RASA1: variants seen among roughly 807,000 people sequenced by gnomAD.
The protein encoded by RASA1 is RAS p21 protein activator 1.
RASA1 carries 25 observed loss-of-function variants against 132.2 expected under a neutral mutation model. The observed-to-expected ratio is 0.19, with a 90% CI of 0.14 to 0.26. The LOEUF (loss-of-function observed/expected upper bound fraction) is 0.26, where lower values mean the gene tolerates loss of function less well. Ranked by LOEUF, RASA1 falls within the 10% of genes least tolerant of loss-of-function variation. The pLI is 1.00. For missense variants in RASA1, 964 were observed against 1,299.2 expected, an observed-to-expected ratio of 0.74 and a Z score of 3.97; for synonymous variants, 477 against 449.9, an observed-to-expected ratio of 1.06 and a Z score of -0.76.
In RASA1 at chr5:87,338,077, C is replaced by G. The variant is rs1439069181; in HGVS notation, c.1003C>G (p.Leu335Val). The G allele has an allele frequency of 6.2e-7, 1 of 1,611,984 alleles. No homozygotes were observed. Among genetic ancestry groups the G allele is most frequent in the African/African-American group, 1.3e-5 (1 of 74,806 alleles). Residue 335 changes from leucine (L) to valine (V), a missense_variant, in exon 5 of 25, where the codon CTA becomes GTA. This residue lies in a region of RASA1 where 154 missense variants were observed against 286.5 expected (regional missense o/e 0.54). Coordinates refer to ENST00000274376, the MANE Select transcript of RASA1 (RefSeq NM_002890.3). ...TDEQGLIVEDLVEEVGREEDP... is the reference protein window; with the variant it reads ...TDEQGLIVEDVVEEVGREEDP... ...TGAACAAGGCCTTATTGTTGAAGAC[C>G]TAGTAGAAGAGGTGGTAAGTTTTGT...
chr5:87,351,917 T>A (rs1161812633), intron 8 of RASA1, among the ~76,000 whole-genome samples: 1 of 151,816 alleles, frequency 6.6e-6, no homozygotes, highest in African/African-American at 2.4e-5. Context: ...TATTTTACAG[T>A]TACTGAGCCC....
chr5:87,338,072 A>G lies in RASA1; in HGVS notation c.998A>G (p.Glu333Gly). The G allele has an allele frequency of 3.7e-6, 6 of 1,612,324 alleles. No homozygotes were observed. Among genetic ancestry groups the G allele is most frequent in the Non-Finnish European group, 5.1e-6 (6 of 1,179,024 alleles). ...ACAGATGAACAAGGCCTTATTGTTGAAGACCTAGTAGAAGAGGTGGTAAGT... is the reference window on the plus strand; with the variant it reads ...ACAGATGAACAAGGCCTTATTGTTGGAGACCTAGTAGAAGAGGTGGTAAGT... The part of the protein sequence containing the change: ...LRTDEQGLIV[E>G]DLVEEVGREE... Residue 333 changes from glutamate to glycine, a missense_variant, in exon 5 of 25, where the codon GAA becomes GGA. Physicochemically the swap from Glu to Gly is moderately conservative, Grantham distance 98. Coordinates refer to ENST00000274376, the MANE Select transcript of RASA1 (RefSeq NM_002890.3).
chr5:87,337,831 G>A, intron 4 of RASA1, 143 bp from the exon 5 acceptor site: 2 of 817,574 alleles, frequency 2.4e-6, no homozygotes, highest in Middle Eastern at 4.0e-4. Context: ...GCCAGAAATA[G>A]GATACAAATT....
intron 6 of RASA1, among the ~76,000 whole-genome samples, chr5:87,342,262 C>T (rs567712741): frequency 2.6e-5 from 4 of 151,484 alleles, no homozygotes; most frequent in African/African-American, 9.7e-5. Context: ...TGGATTCAAA[C>T]GATTCTCTGC....
chr5:87,279,923 C>T (rs1754238266), intron 1 of RASA1, among the ~76,000 whole-genome samples: 1 of 152,200 alleles, frequency 6.6e-6, no homozygotes, highest in African/African-American at 2.4e-5. Flanking sequence ...GCCTCAAAGC[C>T]AGGAAAGCTG....
At chr5:87,321,966 C>A (rs776158311) in intron 1 of RASA1, among the ~76,000 whole-genome samples, 1 of 152,026 alleles carries the variant, frequency 6.6e-6, no homozygotes, top group Non-Finnish European at 1.5e-5. Context: ...CCTAACACAC[C>A]AAACATTGTA....
intron 4 of RASA1, 107 bp downstream of exon 4, chr5:87,333,444 GC>G: frequency 6.6e-7 from 1 of 1,515,982 alleles, no homozygotes; most frequent in African/African-American, 1.4e-5. Context: ...ATGGCATACA[GC>G]AAGGTGAAAG....
intron 1 of RASA1, among the ~76,000 whole-genome samples, chr5:87,314,018 A>T (rs1415566365): frequency 4.6e-5 from 7 of 151,056 alleles, no homozygotes; most frequent in Admixed American, 1.3e-4. Flanking sequence ...AAATACAAAA[A>T]ATGAGCCAGG....
Position 87,291,493 on chromosome 5 carries a change from G to A in RASA1, c.539+22503G>A, listed in dbSNP as rs114594204. ...CTGCAGTGAGCTATGATTGTGCCACGGCACTCCTACCTGGGCAACAGGGTG... is the reference window on the plus strand; with the variant it reads ...CTGCAGTGAGCTATGATTGTGCCACAGCACTCCTACCTGGGCAACAGGGTG... On this transcript the variant is annotated intron_variant, in intron 1 of 24. Coordinates refer to ENST00000274376, the MANE Select transcript of RASA1 (RefSeq NM_002890.3). 8.9e-3 allele frequency among the ~76,000 whole-genome samples: 1,355 copies of A among 152,158 alleles called. 21 individuals are homozygous for A. Among genetic ancestry groups the A allele is most frequent in the African/African-American group, 0.029 (1,188 of 41,504 alleles).
chr5:87,316,600 G>A (rs1028325579), intron 1 of RASA1, among the ~76,000 whole-genome samples: 1 of 152,108 alleles, frequency 6.6e-6, no homozygotes, highest in Non-Finnish European at 1.5e-5. Flanking sequence ...ACAGAGACTT[G>A]AGGATTGAGA....
intron 1 of RASA1, among the ~76,000 whole-genome samples, chr5:87,316,131 T>G (rs1756317057): frequency 6.6e-6 from 1 of 152,204 alleles, no homozygotes; most frequent in Non-Finnish European, 1.5e-5. Flanking sequence ...CCAGATCTGT[T>G]TGTTTGAAAA....
At chr5:87,369,757 A>G in intron 11 of RASA1, 56 bp from the exon 12 acceptor site, 1 of 1,182,288 alleles carries the variant, frequency 8.5e-7, no homozygotes, top group Non-Finnish European at 1.2e-6. Flanking sequence ...AAGCTGGTAT[A>G]AATATTTTGC....
At position 87,270,761 on chromosome 5, in the gene RASA1, C is replaced by CT. The variant is rs1173899127; in HGVS notation, c.539+1773dup. 4.3e-5 allele frequency among the ~76,000 whole-genome samples: 6 copies of CT among 140,638 alleles called. No individual in the cohort carries two copies. In the East Asian group the frequency reaches 1.3e-3, roughly 31 times the overall value. 92.3% of individuals were successfully genotyped at this position (140,638 alleles called of 152,430 possible). A position where few individuals can be genotyped will look rare whatever the true frequency, so the allele number is the denominator to read the frequency against. ...TTCTGTTACCCTAATCCATTTTTGA[C>CT]TTAAGGCTACATCTTTTGATACTTA... is the stretch of plus-strand genomic sequence containing the variant. On this transcript the variant is annotated intron_variant, in intron 1 of 24. Coordinates refer to ENST00000274376, the MANE Select transcript of RASA1 (RefSeq NM_002890.3).
intron 6 of RASA1, among the ~76,000 whole-genome samples, chr5:87,342,147 T>C (rs1264097248): frequency 1.3e-5 from 2 of 151,832 alleles, no homozygotes; most frequent in Non-Finnish European, 2.9e-5. Flanking sequence ...TTCAAATTCT[T>C]TTTTGTTATT....
At chr5:87,344,533 A>G (rs950755652) in intron 6 of RASA1, among the ~76,000 whole-genome samples, 4 of 151,876 alleles carry the variant, frequency 2.6e-5, no homozygotes, top group African/African-American at 9.7e-5. Flanking sequence ...TGTTTTAGAG[A>G]TAGGTTCTTG....
At chr5:87,289,440 A>G (rs530466167) in intron 1 of RASA1, among the ~76,000 whole-genome samples, 4 of 152,266 alleles carry the variant, frequency 2.6e-5, no homozygotes, top group African/African-American at 9.6e-5. Flanking sequence ...ATTTTCTTGT[A>G]ATGATACTGT....
chr5:87,278,547 A>T (rs1754169619), intron 1 of RASA1, among the ~76,000 whole-genome samples: 1 of 151,964 alleles, frequency 6.6e-6, no homozygotes, highest in African/African-American at 2.4e-5. Flanking sequence ...CTCTGTCTCA[A>T]AAAAAAAGAA....
chr5:87,307,168 C>T (rs1006606553), intron 1 of RASA1, among the ~76,000 whole-genome samples: 6 of 152,188 alleles, frequency 3.9e-5, no homozygotes, highest in South Asian at 4.1e-4. Context: ...TTGCCCAGCC[C>T]GTTAGTCATT....
At chr5:87,353,277 T>A in intron 9 of RASA1, 42 bp downstream of exon 9, 4 of 1,448,622 alleles carry the variant, frequency 2.8e-6, no homozygotes, top group Non-Finnish European at 3.9e-6. Context: ...GCATTTTATT[T>A]TAAAATGCAT....
Sources: gnomAD v4.1 joint callset for allele counts (sites outside exome capture counted in the v4.1 genomes callset) on GRCh38, gnomAD v4.1.1 for gene constraint, gnomAD v4.1.1 regional missense constraint, MANE v1.5 for transcripts, NCBI Gene and HGNC (gene_info 2026-07-23, HGNC 2026-07-21) for gene names.